DNAJC1: variants seen among roughly 807,000 people sequenced by gnomAD.
DNAJC1 encodes the protein dnaJ homolog subfamily C member 1.
Under a neutral mutation model 76.6 loss-of-function variants are expected in DNAJC1, and 58 were observed. That is an observed-to-expected ratio of 0.76 (90% CI 0.61 to 0.94). DNAJC1 has a LOEUF of 0.94. Ranked by LOEUF, DNAJC1 falls within the 40% of genes least tolerant of loss-of-function variation. DNAJC1 has a pLI of 0.00. For synonymous variants in DNAJC1, 258 were observed against 267.9 expected (o/e 0.96, Z 0.36); for missense variants, 689 against 677.3 (o/e 1.02, Z -0.19).
intron 9 of DNAJC1, among the ~76,000 whole-genome samples, chr10:21,776,984 A>T (rs542091621): frequency 1.2e-3 from 189 of 152,330 alleles, no homozygotes; most frequent in Non-Finnish European, 2.2e-3. Context: ...ATTAACATGT[A>T]ATAGCTCAGG....
At chr10:21,767,497 A>G (rs1834315574) in intron 9 of DNAJC1, among the ~76,000 whole-genome samples, 1 of 152,206 alleles carries the variant, frequency 6.6e-6, no homozygotes, top group Non-Finnish European at 1.5e-5. Context: ...TATGTGGCCC[A>G]GAATGGCCTG....
intron 9 of DNAJC1, among the ~76,000 whole-genome samples, chr10:21,766,968 TAAAAAAA>T (rs1275709137): frequency 1.4e-5 from 1 of 69,880 alleles, no homozygotes; most frequent in African/African-American, 5.9e-5. Context: ...AGACCCTGCC[TAAAAAAA>T]AAAAAAAAAA....
At chr10:21,830,909 C>A (rs1419117471) in intron 8 of DNAJC1, among the ~76,000 whole-genome samples, 1 of 151,898 alleles carries the variant, frequency 6.6e-6, no homozygotes, top group African/African-American at 2.4e-5. Flanking sequence ...TTTTTCATAT[C>A]CTGTCATGTT....
At chr10:21,983,305 C>T (rs1838187288) in intron 1 of DNAJC1, among the ~76,000 whole-genome samples, 1 of 152,140 alleles carries the variant, frequency 6.6e-6, no homozygotes, top group South Asian at 2.1e-4. Context: ...TTGAGATATA[C>T]TACAACATGA....
At chr10:21,856,305 A>T (rs1478141484) in intron 8 of DNAJC1, among the ~76,000 whole-genome samples, 2 of 152,222 alleles carry the variant, frequency 1.3e-5, no homozygotes, top group East Asian at 1.9e-4. Flanking sequence ...TAATTAAATT[A>T]TACAAAAAAG....
chr10:21,921,192 T>G (rs777732710), intron 3 of DNAJC1, among the ~76,000 whole-genome samples: 19 of 151,922 alleles, frequency 1.3e-4, no homozygotes, highest in Admixed American at 8.5e-4. Flanking sequence ...ATACCAGATC[T>G]CATGTTTTTA....
intron 1 of DNAJC1, among the ~76,000 whole-genome samples, chr10:21,949,885 C>T (rs998135170): frequency 1.3e-5 from 2 of 151,940 alleles, no homozygotes; most frequent in Non-Finnish European, 2.9e-5. Flanking sequence ...GCGTGATGAC[C>T]AGTGTTTAGA....
intron 8 of DNAJC1, among the ~76,000 whole-genome samples, chr10:21,823,178 T>C (rs1420898837): frequency 6.6e-6 from 1 of 152,080 alleles, no homozygotes; most frequent in African/African-American, 2.4e-5. Flanking sequence ...ACAAGCGAAA[T>C]CTATTAGAGG....
At chr10:21,940,107 C>A (rs1837381831) in intron 1 of DNAJC1, among the ~76,000 whole-genome samples, 2 of 151,842 alleles carry the variant, frequency 1.3e-5, no homozygotes, top group Admixed American at 6.6e-5. Flanking sequence ...ATCACAGTAT[C>A]TTCAGGATTA....
At chr10:21,833,759 T>C (rs1002243748) in intron 8 of DNAJC1, among the ~76,000 whole-genome samples, 1 of 152,150 alleles carries the variant, frequency 6.6e-6, no homozygotes, top group Non-Finnish European at 1.5e-5. Flanking sequence ...GTATGTCTTA[T>C]TTATCACTGT....
At chr10:21,972,230 G>A (rs983900225) in intron 1 of DNAJC1, among the ~76,000 whole-genome samples, 1 of 151,884 alleles carries the variant, frequency 6.6e-6, no homozygotes, top group African/African-American at 2.4e-5. Flanking sequence ...TTTTCTAAAT[G>A]TTTATTCTCA....
intron 1 of DNAJC1, among the ~76,000 whole-genome samples, chr10:21,963,565 T>C (rs1037939742): frequency 1.3e-5 from 2 of 152,228 alleles, no homozygotes; most frequent in East Asian, 1.9e-4. Flanking sequence ...TGAACACTTA[T>C]GCATAAAAGG....
intron 8 of DNAJC1, among the ~76,000 whole-genome samples, chr10:21,827,022 A>G (rs1292222463): frequency 6.6e-6 from 1 of 152,072 alleles, no homozygotes; most frequent in Non-Finnish European, 1.5e-5. Flanking sequence ...ACTGCACCGA[A>G]TATGATTGCC....
intron 7 of DNAJC1, among the ~76,000 whole-genome samples, chr10:21,896,946 G>A (rs1204014405): frequency 6.6e-6 from 1 of 152,158 alleles, no homozygotes; most frequent in Non-Finnish European, 1.5e-5. Flanking sequence ...TGTTCCTTGT[G>A]AGGACATGTG....
intron 8 of DNAJC1, among the ~76,000 whole-genome samples, chr10:21,834,522 C>A (rs1835417789): frequency 6.6e-6 from 1 of 152,196 alleles, no homozygotes; most frequent in Non-Finnish European, 1.5e-5. Flanking sequence ...CAGGGCGAGG[C>A]ATCGCCTCAC....
chr10:21,822,459 A>G (rs2941734), intron 8 of DNAJC1, among the ~76,000 whole-genome samples: 14 of 150,478 alleles, frequency 9.3e-5, no homozygotes, highest in Admixed American at 9.3e-4. Flanking sequence ...ATAAATAAAT[A>G]AATGAATAAT....
intron 7 of DNAJC1, among the ~76,000 whole-genome samples, chr10:21,882,829 A>G (rs964921316): frequency 5.9e-5 from 9 of 152,302 alleles, no homozygotes; most frequent in African/African-American, 1.7e-4. Context: ...TTTCTCATCT[A>G]TAAAAAAAAC....
intron 1 of DNAJC1, among the ~76,000 whole-genome samples, chr10:21,967,741 T>C (rs1306143262): frequency 2.0e-5 from 3 of 151,914 alleles, no homozygotes; most frequent in Non-Finnish European, 4.4e-5. Flanking sequence ...CATACTTCAA[T>C]CTCTGGGTCC....
intron 8 of DNAJC1, among the ~76,000 whole-genome samples, chr10:21,866,134 C>CAAAA (rs1306930222): frequency 3.2e-4 from 11 of 34,012 alleles, no homozygotes; most frequent in Non-Finnish European, 3.3e-4. Flanking sequence ...GACTTCAACT[C>CAAAA]AAAAAAAAAA....
Sources: allele counts gnomAD v4.1 joint callset (sites outside exome capture counted in the v4.1 genomes callset), GRCh38; gene constraint gnomAD v4.1.1; transcripts MANE v1.5; gene names NCBI Gene and HGNC (gene_info 2026-07-23, HGNC 2026-07-21).